BCAP29: variants seen among roughly 807,000 people sequenced by gnomAD.
BCAP29 encodes the protein B cell receptor associated protein 29.
A neutral mutation model predicts 31.8 loss-of-function variants in BCAP29; 34 were observed. That is an observed-to-expected ratio of 1.07 (90% confidence interval 0.81 to 1.42). BCAP29 has a LOEUF of 1.42. Ranked by LOEUF, BCAP29 falls within the 40% of genes most tolerant of loss-of-function variation. The pLI, the probability that BCAP29 is intolerant of heterozygous loss-of-function variation, is 0.00. For missense variants in BCAP29, 314 were observed against 269.2 expected, an observed-to-expected ratio of 1.17 and a Z score of -1.16; for synonymous variants, 104 against 91.3, an observed-to-expected ratio of 1.14 and a Z score of -0.79.
Position 107,600,647 on chromosome 7 carries a change from A to G in BCAP29, c.589+142A>G, listed in dbSNP as rs1237271193. On this transcript the variant is annotated intron_variant, in intron 6 of 7. Coordinates refer to ENST00000005259, the MANE Select transcript of BCAP29 (RefSeq NM_018844.4). The stretch of plus-strand genomic sequence containing the variant: ...ATGACCTATTTATAAATTCTTGTTC[A>G]AATATGAAGATAAAACATTATGTCA... 10 of 537,386 alleles carry G rather than the reference A, an allele frequency of 1.9e-5. No individual in the cohort carries two copies. The Admixed American group carries it at 2.3e-4, about 12-fold the overall frequency. The allele number at this position is 537,386 out of a possible 1,614,324, so 33.3% of individuals were successfully genotyped here. A position where few individuals can be genotyped will look rare whatever the true frequency, so the allele number is the denominator to read the frequency against.
At chr7:107,581,615 T>C (rs1806681834) in intron 2 of BCAP29, among the ~76,000 whole-genome samples, 2 of 152,308 alleles carry the variant, frequency 1.3e-5, no homozygotes, top group East Asian at 1.9e-4. Context: ...TTGCAAGATA[T>C]TTGTTCATAC....
rs112966301 is a variant in BCAP29, at chr7:107,613,789, T to C, written c.690+357T>C. ...TTCATGCCAAAATGAGGCCAAAATT[T>C]CAAGTTCCACATCACACTACTCTTG... On this transcript the variant is annotated intron_variant, in intron 7 of 7. Coordinates refer to ENST00000005259, the MANE Select transcript of BCAP29 (RefSeq NM_018844.4). 3.5e-4 allele frequency: 481 copies of C among 1,372,430 alleles called. 2 individuals carry two copies. In the African/African-American group the frequency reaches 6.1e-3, roughly 17 times the overall value. 85.0% of individuals were successfully genotyped at this position (1,372,430 alleles called of 1,614,324 possible).
Position 107,582,829 on chromosome 7 carries a change from AT to A in BCAP29, c.93-1051del, listed in dbSNP as rs1806942626. Reference sequence around the variant, plus strand: ...TTTACATTTGGACCTAGATCAAGGTATTACCACTTATGTTCTCTTAAAAATA... The same window carrying A: ...TTTACATTTGGACCTAGATCAAGGTATACCACTTATGTTCTCTTAAAAATA... On this transcript the variant is annotated intron_variant, in intron 2 of 7. Transcript: ENST00000005259. 5.3e-5 allele frequency among the ~76,000 whole-genome samples: 8 copies of A among 152,294 alleles called. No homozygotes were observed. In the South Asian group the frequency reaches 1.7e-3, roughly 32 times the overall value.
chr7:107,613,133 G>T (rs1328420641), intron 6 of BCAP29, among the ~76,000 whole-genome samples, 199 bp from the exon 7 acceptor site: 1 of 152,134 alleles, frequency 6.6e-6, no homozygotes, highest in Non-Finnish European at 1.5e-5. Context: ...AGAGGGGCAC[G>T]ATGCCTGCAC....
chr7:107,584,051 G>A (rs192752126), intron 3 of BCAP29, 69 bp downstream of exon 3: 2 of 881,698 alleles, frequency 2.3e-6, no homozygotes, highest in East Asian at 5.9e-5. Flanking sequence ...AATTAATAGA[G>A]TTGATGTTAC....
At chr7:107,607,447 A>T (rs1378376687) in intron 6 of BCAP29, among the ~76,000 whole-genome samples, 1 of 152,042 alleles carries the variant, frequency 6.6e-6, no homozygotes, top group Admixed American at 6.5e-5. Context: ...AGACCTCTTT[A>T]TCTCACCCAG....
At chr7:107,617,331 A>G (rs1351572693) in intron 7 of BCAP29, among the ~76,000 whole-genome samples, 2 of 152,230 alleles carry the variant, frequency 1.3e-5, no homozygotes, top group Non-Finnish European at 2.9e-5. Context: ...TCTTTACTGT[A>G]AATAGATCCC....
intron 3 of BCAP29, among the ~76,000 whole-genome samples, chr7:107,590,758 G>A (rs1184364585): frequency 6.6e-6 from 1 of 151,496 alleles, no homozygotes; most frequent in East Asian, 1.9e-4. Flanking sequence ...GGTCAAGGCT[G>A]CAGTGAGACG....
chr7:107,599,531 A>G (rs985475207), intron 5 of BCAP29, among the ~76,000 whole-genome samples: 2 of 148,412 alleles, frequency 1.3e-5, no homozygotes, highest in Non-Finnish European at 3.0e-5. Context: ...TAAAAAAAAA[A>G]AAAGAAAAAA....
At chr7:107,594,188 A>ATTT in intron 4 of BCAP29, 83 bp downstream of exon 4, 10 of 1,060,014 alleles carry the variant, frequency 9.4e-6, no homozygotes, top group Non-Finnish European at 1.3e-5. Flanking sequence ...TTTACTGTAG[A>ATTT]TTTTTTTTTT....
chr7:107,602,798 T>C lies in BCAP29; in HGVS notation c.589+2293T>C, dbSNP rs545858820. 2.6e-5 allele frequency among the ~76,000 whole-genome samples: 4 copies of C among 152,098 alleles called. No individual in the cohort carries two copies. In the East Asian group the frequency reaches 7.7e-4, roughly 29 times the overall value. ...TTCAGTTTTTAACCTCCAACTCCTATTTTGACCAAAGTTTGTAAACTATTA... is the reference window on the plus strand; with the variant it reads ...TTCAGTTTTTAACCTCCAACTCCTACTTTGACCAAAGTTTGTAAACTATTA... On this transcript the variant is annotated intron_variant, in intron 6 of 7. Transcript: ENST00000005259.
At chr7:107,607,881 G>A (rs893493207) in intron 6 of BCAP29, among the ~76,000 whole-genome samples, 4 of 151,874 alleles carry the variant, frequency 2.6e-5, no homozygotes, top group African/African-American at 9.7e-5. Flanking sequence ...CTGGTGGTCC[G>A]CCTGCCTCGG....
At chr7:107,581,698 G>A (rs1806700804) in intron 2 of BCAP29, among the ~76,000 whole-genome samples, 1 of 152,162 alleles carries the variant, frequency 6.6e-6, no homozygotes, top group Admixed American at 6.5e-5. Flanking sequence ...AAAATCCCAG[G>A]ACTGGGAGAA....
In BCAP29 at chr7:107,602,629, T is replaced by C. The variant is rs370367261; in HGVS notation, c.589+2124T>C. On this transcript the variant is annotated intron_variant, in intron 6 of 7. Coordinates refer to ENST00000005259, the MANE Select transcript of BCAP29 (RefSeq NM_018844.4). ...TTTCTTATCCTTTGTGTTACTTAAATCTAAGTGAAACATTTTCTCCCAAGT... is the reference window on the plus strand; with the variant it reads ...TTTCTTATCCTTTGTGTTACTTAAACCTAAGTGAAACATTTTCTCCCAAGT... Among the ~76,000 whole-genome samples, 56 of 152,234 alleles carry C rather than the reference T, an allele frequency of 3.7e-4. 1 individual carries two copies. The highest frequency in any genetic ancestry group is 1.3e-3 in the African/African-American group (52 of 41,546).
chr7:107,615,343 C>A (rs1270133491), intron 7 of BCAP29: 3 of 456,468 alleles, frequency 6.6e-6, no homozygotes, highest in East Asian at 1.4e-4. Context: ...TCACACCTTT[C>A]TTTAATCCCA....
chr7:107,584,826 A>G (rs1315992719), intron 3 of BCAP29, among the ~76,000 whole-genome samples: 3 of 152,226 alleles, frequency 2.0e-5, no homozygotes, highest in Non-Finnish European at 2.9e-5. Flanking sequence ...GCATTGTTAC[A>G]TAGCAGGGTC....
At position 107,583,935 on chromosome 7, in the gene BCAP29, A is replaced by G. The variant is rs1023371162; in HGVS notation, c.146A>G (p.Asn49Ser). 2.5e-6 allele frequency: 4 copies of G among 1,589,212 alleles called. No individual in the cohort carries two copies. The highest frequency in any genetic ancestry group is 3.4e-6 in the Non-Finnish European group (4 of 1,167,070). The change falls in exon 3 of 8, where the codon AAC becomes AGC. Residue 49 changes from asparagine to serine, a missense_variant. Coordinates refer to ENST00000005259, the MANE Select transcript of BCAP29 (RefSeq NM_018844.4). The part of the protein sequence containing the change: ...NVWGKIATFW[N>S]KAFLTIIILL... ...TGGGGTAAAATTGCAACTTTTTGGA[A>G]CAAGGCTTTCCTTACCATTATCATC...
chr7:107,596,007 T>C lies in BCAP29; in HGVS notation c.480+5T>C. The stretch of plus-strand genomic sequence containing the variant: ...GAAAACGAAAAACTAAAAAGGGTAT[T>C]TAATTTTCTTTGTAAAAATTAAATG... On this transcript the variant is annotated splice_donor_5th_base_variant and intron_variant, in intron 5 of 7. Coordinates refer to ENST00000005259, the MANE Select transcript of BCAP29 (RefSeq NM_018844.4). The C allele has an allele frequency of 6.4e-7, 1 of 1,557,236 alleles. No individual in the cohort carries two copies. Among genetic ancestry groups the C allele is most frequent in the South Asian group, 1.2e-5 (1 of 81,272 alleles).
chr7:107,590,980 G>A (rs753759416), intron 3 of BCAP29, among the ~76,000 whole-genome samples: 22 of 152,038 alleles, frequency 1.4e-4, no homozygotes, highest in Non-Finnish European at 3.1e-4. Context: ...TATACTATAA[G>A]CAGTAAACAA....
Sources: gnomAD v4.1 joint callset for allele counts (sites outside exome capture counted in the v4.1 genomes callset) on GRCh38, gnomAD v4.1.1 for gene constraint, MANE v1.5 for transcripts, NCBI Gene and HGNC (gene_info 2026-07-23, HGNC 2026-07-21) for gene names.